Variants in XPO5 observed in about 807,000 individuals in gnomAD.
XPO5 encodes the protein exportin-5.
XPO5 carries 46 observed loss-of-function variants against 160.6 expected under a neutral mutation model. The observed-to-expected ratio is 0.29, with a 90% CI of 0.23 to 0.37. XPO5 has a LOEUF of 0.37. Ranked by LOEUF, XPO5 falls within the 10% of genes least tolerant of loss-of-function variation. XPO5 has a pLI of 1.00. For missense variants in XPO5, 1,090 were observed against 1,463.9 expected (o/e 0.74, Z 4.17); for synonymous variants, 537 against 519.3 (o/e 1.03, Z -0.46).
At position 43,522,829 on chromosome 6, in the gene XPO5, C is replaced by T. The variant is rs1719785105; in HGVS notation, c.*1039G>A. 9.3e-6 allele frequency: 3 copies of T among 322,062 alleles called. No individual in the cohort carries two copies. The highest frequency in any genetic ancestry group is 7.0e-5 in the South Asian group (3 of 42,804). The allele number at this position is 322,062 out of a possible 1,614,324, so 20.0% of individuals were successfully genotyped here. On this transcript the variant is annotated 3_prime_UTR_variant, in exon 32 of 32. Coordinates refer to ENST00000265351, the MANE Select transcript of XPO5 (RefSeq NM_020750.3). ...CCAGTAATAACCTCAGGGCCAGGTC[C>T]CGTATCCATGTCCTCTCTTTACAGG... is the stretch of plus-strand genomic sequence containing the variant.
Position 43,522,775 on chromosome 6 carries a change from T to A in XPO5, c.*1093A>T, listed in dbSNP as rs1249415442. On this transcript the variant is annotated 3_prime_UTR_variant, in exon 32 of 32. Coordinates refer to ENST00000265351, the MANE Select transcript of XPO5 (RefSeq NM_020750.3). The stretch of plus-strand genomic sequence containing the variant: ...TGTGCAGAGCACATGGACACACTGG[T>A]TTCTGTATGGATTAACTCTGCCTTA... The A allele has an allele frequency of 4.4e-6, 2 of 459,252 alleles. No individual in the cohort carries two copies. Among genetic ancestry groups the A allele is most frequent in the South Asian group, 3.2e-5 (2 of 63,416 alleles). The allele number at this position is 459,252 out of a possible 1,614,324, so 28.4% of individuals were successfully genotyped here. A position where few individuals can be genotyped will look rare whatever the true frequency, so the allele number is the denominator to read the frequency against.
chr6:43,569,273 CAA>C (rs979997555), intron 5 of XPO5, among the ~76,000 whole-genome samples: 42 of 94,790 alleles, frequency 4.4e-4, no homozygotes, highest in Middle Eastern at 6.9e-3. Context: ...GCCTGGGCAA[CAA>C]AAGTGAAACT....
chr6:43,555,696 C>A, intron 13 of XPO5, 140 bp downstream of exon 13: 1 of 1,026,376 alleles, frequency 9.7e-7, no homozygotes, highest in Non-Finnish European at 1.3e-6. Context: ...GAAAACGCTC[C>A]CTCTCCAGGA....
chr6:43,539,185 C>T lies in XPO5; in HGVS notation c.2343-5178G>A, dbSNP rs770086536. 1.2e-4 allele frequency: 141 copies of T among 1,129,132 alleles called. 1 individual carries two copies. In the Middle Eastern group the frequency reaches 1.6e-3, roughly 13 times the overall value. The allele number at this position is 1,129,132 out of a possible 1,614,324, so 69.9% of individuals were successfully genotyped here. A position where few individuals can be genotyped will look rare whatever the true frequency, so the allele number is the denominator to read the frequency against. ...AGGGGACGGTGTGGGGCTTGCCGAT[C>T]TTGTTCCCCTAGTAGCCTCTGTGCA... On this transcript the variant is annotated intron_variant, in intron 20 of 31. Transcript: ENST00000265351.
intron 12 of XPO5, among the ~76,000 whole-genome samples, chr6:43,557,077 G>A (rs887306654): frequency 4.8e-5 from 7 of 146,742 alleles, no homozygotes; most frequent in Non-Finnish European, 8.9e-5. Flanking sequence ...GCAGTGAGCC[G>A]AGAGTGTGTC....
chr6:43,558,600 A>C lies in XPO5; in HGVS notation c.1222-9T>G. The C allele has an allele frequency of 6.4e-7, 1 of 1,571,920 alleles. No individual in the cohort carries two copies. The highest frequency in any genetic ancestry group is 1.2e-5 in the South Asian group (1 of 84,152). ...TTAGAAGGAAAGCCCATCTGGAAAA[A>C]GAAAGGTAATTGGGGTAGGGGATGA... On this transcript the variant is annotated splice_polypyrimidine_tract_variant and intron_variant, in intron 11 of 31. Transcript: ENST00000265351.
chr6:43,525,189 G>A lies in XPO5; in HGVS notation c.3092C>T (p.Thr1031Ile), dbSNP rs1226136852. The A allele has an allele frequency of 1.3e-6, 2 of 1,580,880 alleles. No homozygotes were observed. Among genetic ancestry groups the A allele is most frequent in the South Asian group, 2.3e-5 (2 of 86,268 alleles). The change falls in exon 29 of 32, where the codon ACA becomes ATA. Residue 1031 changes from threonine (T) to isoleucine (I), a missense_variant. Around this residue, in one of 3 missense-constraint regions of XPO5, gnomAD observed 810 missense variants for 1,139.0 expected, o/e 0.71. Transcript: ENST00000265351. ...HEDVCTALLI[T>I]AFNSLAWKDT... ...TTTCCAGGCCAGGGAATTGAAGGCT[G>A]TAATTAATAGCGCTGTACAAACATC...
At position 43,539,000 on chromosome 6, in the gene XPO5, T is replaced by C. The variant is rs1049652082; in HGVS notation, c.2343-4993A>G. The stretch of plus-strand genomic sequence containing the variant: ...GGCATCAAAGGTGGCCTTGGCGAAG[T>C]TGCCCAGGGTGGCAGTGCAGCCCTG... On this transcript the variant is annotated intron_variant, in intron 20 of 31. Transcript: ENST00000265351. 10 of 1,522,088 alleles carry C rather than the reference T, an allele frequency of 6.6e-6. No individual in the cohort carries two copies. In the East Asian group the frequency reaches 6.7e-5, roughly 10 times the overall value. 94.3% of individuals were successfully genotyped at this position (1,522,088 alleles called of 1,614,324 possible). A position where few individuals can be genotyped will look rare whatever the true frequency, so the allele number is the denominator to read the frequency against.
At chr6:43,554,788 T>C (rs1388473117) in intron 13 of XPO5, among the ~76,000 whole-genome samples, 2 of 152,192 alleles carry the variant, frequency 1.3e-5, no homozygotes, top group African/African-American at 4.8e-5. Flanking sequence ...TTCATCTTAG[T>C]GCAACACATT....
Position 43,570,878 on chromosome 6 carries a change from C to T in XPO5, c.417G>A (p.Leu139=). 1.2e-6 allele frequency: 2 copies of T among 1,611,762 alleles called. No homozygotes were observed. Among genetic ancestry groups the T allele is most frequent in the Non-Finnish European group, 1.7e-6 (2 of 1,179,348 alleles). ...PQHWPDMLIE[L]DTLSKQGETQ... Reference sequence around the variant, plus strand: ...ATACCCCTTGTTTGGAAAGAGTGTCCAATTCTATTAGCATGTCAGGCCAAT... The same window carrying T: ...ATACCCCTTGTTTGGAAAGAGTGTCTAATTCTATTAGCATGTCAGGCCAAT... The change falls in exon 4 of 32, where the codon TTG becomes TTA. Residue 139 remains leucine (L), a synonymous_variant. Transcript: ENST00000265351.
chr6:43,553,312 G>GAGAAA lies in XPO5; in HGVS notation c.1572+56_1572+60dup, dbSNP rs746460482. 9.1e-6 allele frequency: 14 copies of GAGAAA among 1,544,808 alleles called. No individual in the cohort carries two copies. In the African/African-American group the frequency reaches 1.9e-4, roughly 21 times the overall value. ...GAGATATAGCGTCCCAAAATAGAAA[G>GAGAAA]AGAAAAGAAAAGAAAAAGGTCAAAA... On this transcript the variant is annotated intron_variant, in intron 14 of 31. Transcript: ENST00000265351.
At position 43,525,107 on chromosome 6, in the gene XPO5, T is replaced by C. The variant is rs1361426414; in HGVS notation, c.3174A>G (p.Gln1058=). 1 of 1,572,660 alleles carries C rather than the reference T, an allele frequency of 6.4e-7. No individual in the cohort carries two copies. The part of the protein sequence containing the change: ...TSQLCWPLLK[Q]VLSGTLLADA... ...AGGGAAAAGGGGTGAATAACCATACTTGTTTGAGGAGAGGCCAGCAGAGCT... is the reference window on the plus strand; with the variant it reads ...AGGGAAAAGGGGTGAATAACCATACCTGTTTGAGGAGAGGCCAGCAGAGCT... Residue 1058 remains glutamine, a splice_region_variant and synonymous_variant, in exon 29 of 32, where the codon CAA becomes CAG. Transcript: ENST00000265351.
chr6:43,571,631 C>G (rs929834118), intron 3 of XPO5, among the ~76,000 whole-genome samples: 1 of 152,002 alleles, frequency 6.6e-6, no homozygotes, highest in Non-Finnish European at 1.5e-5. Context: ...ACAGTGAGAC[C>G]CTGTCTCTCT....
At chr6:43,568,176 C>T (rs994651031) in intron 6 of XPO5, among the ~76,000 whole-genome samples, 5 of 151,824 alleles carry the variant, frequency 3.3e-5, no homozygotes, top group South Asian at 2.1e-4. Flanking sequence ...GGTGTGGTGG[C>T]GGGCACCTGT....
intron 20 of XPO5, among the ~76,000 whole-genome samples, chr6:43,541,529 G>A (rs1387108611): frequency 1.3e-5 from 2 of 152,106 alleles, no homozygotes; most frequent in African/African-American, 4.8e-5. Flanking sequence ...GTTCCAAAAC[G>A]TTTCCATGGC....
chr6:43,572,364 A>T (rs983102108), intron 3 of XPO5, 142 bp downstream of exon 3: 8 of 770,012 alleles, frequency 1.0e-5, no homozygotes, highest in Non-Finnish European at 1.7e-5. Flanking sequence ...GGTGTGAGTC[A>T]CTGTGCCTGG....
At chr6:43,539,313 C>T (rs1432994922) in intron 20 of XPO5, 30 of 1,565,506 alleles carry the variant, frequency 1.9e-5, no homozygotes, top group East Asian at 2.2e-5. Context: ...CTGTAGTCCC[C>T]GATAGCAACA....
At chr6:43,541,050 A>C (rs984158501) in intron 20 of XPO5, among the ~76,000 whole-genome samples, 3 of 152,166 alleles carry the variant, frequency 2.0e-5, no homozygotes, top group Non-Finnish European at 4.4e-5. Flanking sequence ...TAAAAATTTA[A>C]ACAATTCGAC....
At chr6:43,554,691 AG>A (rs1428174020) in intron 13 of XPO5, among the ~76,000 whole-genome samples, 9 of 151,262 alleles carry the variant, frequency 5.9e-5, no homozygotes, top group African/African-American at 2.2e-4. Flanking sequence ...CTGAAGTGCT[AG>A]GATTACAGGC....
Sources: allele counts gnomAD v4.1 joint callset (sites outside exome capture counted in the v4.1 genomes callset), GRCh38; gene constraint gnomAD v4.1.1; regional missense constraint gnomAD v4.1.1; transcripts MANE v1.5; gene names NCBI Gene and HGNC (gene_info 2026-07-23, HGNC 2026-07-21).